SLC13A3: variants seen among roughly 807,000 people sequenced by gnomAD.
The protein encoded by SLC13A3 is Na(+)/dicarboxylate cotransporter 3.
SLC13A3 carries 40 observed loss-of-function variants against 59.0 expected under a neutral mutation model. That is an observed-to-expected ratio of 0.68 (90% CI 0.53 to 0.88). The LOEUF (loss-of-function observed/expected upper bound fraction) is 0.88. Among genes scored for constraint, SLC13A3 ranks in the 40% least tolerant of loss-of-function variants. SLC13A3 has a pLI of 0.00. For synonymous variants in SLC13A3, 317 were observed against 330.3 expected (o/e 0.96, Z 0.44); for missense variants, 699 against 783.2 (o/e 0.89, Z 1.28).
At chr20:46,627,993 G>A (rs563185235) in intron 1 of SLC13A3, among the ~76,000 whole-genome samples, 1 of 152,256 alleles carries the variant, frequency 6.6e-6, no homozygotes, top group East Asian at 1.9e-4. Context: ...GAGTCCAGGT[G>A]GATCCATGAT....
At chr20:46,645,881 G>GT (rs1021856073) in intron 1 of SLC13A3, among the ~76,000 whole-genome samples, 10 of 152,208 alleles carry the variant, frequency 6.6e-5, no homozygotes, top group South Asian at 4.2e-4. Context: ...TTGCATTTAA[G>GT]TTTTTTTAAA....
At chr20:46,604,868 G>A (rs1187217999) in intron 3 of SLC13A3, among the ~76,000 whole-genome samples, 2 of 152,184 alleles carry the variant, frequency 1.3e-5, no homozygotes, top group African/African-American at 4.8e-5. Context: ...CTCCCCAGGG[G>A]ATGGCCAGAC....
At chr20:46,633,021 A>G (rs2062760864) in intron 1 of SLC13A3, among the ~76,000 whole-genome samples, 1 of 151,806 alleles carries the variant, frequency 6.6e-6, no homozygotes, top group South Asian at 2.1e-4. Context: ...GGAGATTTAC[A>G]TATTTAATGT....
chr20:46,634,685 C>G (rs1012463277), intron 1 of SLC13A3, among the ~76,000 whole-genome samples: 3 of 152,186 alleles, frequency 2.0e-5, no homozygotes, highest in Non-Finnish European at 4.4e-5. Flanking sequence ...ACGAGCCAGA[C>G]AGGAGGGTGG....
chr20:46,666,910 A>G (rs76160626), intron 1 of SLC13A3, among the ~76,000 whole-genome samples: 1 of 152,130 alleles, frequency 6.6e-6, no homozygotes, highest in East Asian at 1.9e-4. Flanking sequence ...AAAAATGCCA[A>G]GTAACTTGGA....
intron 1 of SLC13A3, among the ~76,000 whole-genome samples, chr20:46,632,176 C>T (rs1224426268): frequency 2.0e-5 from 3 of 152,200 alleles, no homozygotes; most frequent in African/African-American, 2.4e-5. Flanking sequence ...ACGAGAGTCC[C>T]ACTTCTCAGG....
At chr20:46,589,037 C>A in intron 7 of SLC13A3, 123 bp downstream of exon 7, 5 of 808,836 alleles carry the variant, frequency 6.2e-6, no homozygotes, top group Non-Finnish European at 1.0e-5. Flanking sequence ...TCTAGGCTCC[C>A]ACGCCACGGG....
chr20:46,568,753 G>C (rs1471632600), intron 10 of SLC13A3, among the ~76,000 whole-genome samples: 1 of 152,196 alleles, frequency 6.6e-6, no homozygotes, highest in Non-Finnish European at 1.5e-5. Context: ...TAAAGGGAGA[G>C]GGGCTAGAGA....
chr20:46,571,509 A>G (rs1477214297), intron 10 of SLC13A3, among the ~76,000 whole-genome samples: 1 of 152,190 alleles, frequency 6.6e-6, no homozygotes, highest in Admixed American at 6.5e-5. Flanking sequence ...TCCATACATT[A>G]TGTTAGCAAT....
At chr20:46,640,968 C>T (rs2122853398) in intron 1 of SLC13A3, among the ~76,000 whole-genome samples, 1 of 152,286 alleles carries the variant, frequency 6.6e-6, no homozygotes, top group Non-Finnish European at 1.5e-5. Flanking sequence ...GGAAAGTTGG[C>T]TGGACCTCAG....
intron 1 of SLC13A3, among the ~76,000 whole-genome samples, chr20:46,621,283 A>AT (rs3091854): frequency 0.31 from 46,987 of 151,918 alleles, 7,833 homozygotes; most frequent in East Asian, 0.49. Flanking sequence ...ATGGGGAATC[A>AT]TTAGGCATCT....
rs189712101 is a variant in SLC13A3 at position 46,645,719 on chromosome 20, C to A, written c.111+5592G>T. Reference sequence around the variant, plus strand: ...CCCTTGCAACAAAGAGAGGGCAGATCGCAGGCCCATAGCTTCAACCAGGCA... The same window carrying A: ...CCCTTGCAACAAAGAGAGGGCAGATAGCAGGCCCATAGCTTCAACCAGGCA... On this transcript the variant is annotated intron_variant, in intron 1 of 12. Transcript: ENST00000279027. Among the ~76,000 whole-genome samples, 3 of 152,102 alleles carry A rather than the reference C, an allele frequency of 2.0e-5. No individual in the cohort carries two copies. In the East Asian group the frequency reaches 5.8e-4, roughly 29 times the overall value.
chr20:46,633,860 C>T (rs1249092681), intron 1 of SLC13A3, among the ~76,000 whole-genome samples: 1 of 152,210 alleles, frequency 6.6e-6, no homozygotes, highest in Non-Finnish European at 1.5e-5. Flanking sequence ...CCAAGCCATG[C>T]TTTTTGGGGT....
chr20:46,632,908 GATATAT>G lies in SLC13A3; in HGVS notation c.111+18397_111+18402del, dbSNP rs1159735735. Among the ~76,000 whole-genome samples, 174 of 35,062 alleles carry G rather than the reference GATATAT, an allele frequency of 5.0e-3. 3 individuals carry two copies. Among genetic ancestry groups the G allele is most frequent in the South Asian group, 3.5e-3 (4 of 1,138 alleles). 23.0% of individuals were successfully genotyped at this position (35,062 alleles called of 152,430 possible). Reference sequence around the variant, plus strand: ...AGATAGATAGATAGATAGATAGATAGATATATCTATCTATCTATCTATCTATCTATC... The same window carrying G: ...AGATAGATAGATAGATAGATAGATAGCTATCTATCTATCTATCTATCTATC... On this transcript the variant is annotated intron_variant, in intron 1 of 12. Transcript: ENST00000279027.
At chr20:46,628,267 C>T (rs2062697869) in intron 1 of SLC13A3, among the ~76,000 whole-genome samples, 1 of 152,092 alleles carries the variant, frequency 6.6e-6, no homozygotes, top group Admixed American at 6.5e-5. Flanking sequence ...CTGGGTCAAG[C>T]CAGGGTGAGC....
At chr20:46,666,416 A>G (rs1295371986) in intron 1 of SLC13A3, among the ~76,000 whole-genome samples, 5 of 152,138 alleles carry the variant, frequency 3.3e-5, no homozygotes, top group Admixed American at 2.6e-4. Flanking sequence ...ATTTATTCTT[A>G]TAACTACTTT....
At chr20:46,574,467 G>A (rs1315462285) in intron 10 of SLC13A3, among the ~76,000 whole-genome samples, 2 of 152,168 alleles carry the variant, frequency 1.3e-5, no homozygotes, top group Non-Finnish European at 2.9e-5. Context: ...TGGCTGACCC[G>A]CACTTGCACG....
chr20:46,610,969 T>A (rs572309038), intron 2 of SLC13A3, among the ~76,000 whole-genome samples: 1 of 151,942 alleles, frequency 6.6e-6, no homozygotes, highest in East Asian at 1.9e-4. Flanking sequence ...TCTTTTCCCC[T>A]CCTCTTACCA....
At chr20:46,580,437 T>A (rs1231966915) in intron 9 of SLC13A3, among the ~76,000 whole-genome samples, 1 of 148,748 alleles carries the variant, frequency 6.7e-6, no homozygotes, top group African/African-American at 2.4e-5. Flanking sequence ...AAAATATAGG[T>A]CAAATATATA....
Sources: gnomAD v4.1 joint callset for allele counts (sites outside exome capture counted in the v4.1 genomes callset) on GRCh38, gnomAD v4.1.1 for gene constraint, MANE v1.5 for transcripts, NCBI Gene and HGNC (gene_info 2026-07-23, HGNC 2026-07-21) for gene names.